GTF2F2: variants seen among roughly 807,000 people sequenced by gnomAD.
The protein encoded by GTF2F2 is general transcription factor IIF subunit 2.
Under a neutral mutation model 42.2 loss-of-function variants are expected in GTF2F2, and 23 were observed. That is an observed-to-expected ratio of 0.55 (90% CI 0.39 to 0.77). The LOEUF is 0.77. Ranked by LOEUF, GTF2F2 falls within the 30% of genes least tolerant of loss-of-function variation. The pLI, the probability that GTF2F2 is intolerant of heterozygous loss-of-function variation, is 0.00. For synonymous variants in GTF2F2, 105 were observed against 100.8 expected, an observed-to-expected ratio of 1.04 and a Z score of -0.25; for missense variants, 261 against 287.2, an observed-to-expected ratio of 0.91 and a Z score of 0.66.
intron 4 of GTF2F2, 100 bp from the exon 5 acceptor site, chr13:45,207,324 T>G (rs1229016587): frequency 8.9e-6 from 6 of 675,564 alleles, no homozygotes; most frequent in Non-Finnish European, 1.5e-5. Context: ...TTTTTGATAT[T>G]AATTATATTT....
chr13:45,260,696 A>G (rs899866295), intron 6 of GTF2F2, among the ~76,000 whole-genome samples: 2 of 152,210 alleles, frequency 1.3e-5, no homozygotes, highest in African/African-American at 2.4e-5. Context: ...TACCAAATCC[A>G]CAAAGGATTG....
intron 4 of GTF2F2, among the ~76,000 whole-genome samples, chr13:45,184,952 T>C (rs1872346064): frequency 6.6e-6 from 1 of 152,236 alleles, no homozygotes; most frequent in East Asian, 1.9e-4. Context: ...GCTGGAACTA[T>C]AGGTGTGGGC....
intron 4 of GTF2F2, among the ~76,000 whole-genome samples, chr13:45,204,801 G>A (rs767108501): frequency 8.5e-5 from 13 of 152,226 alleles, no homozygotes; most frequent in Non-Finnish European, 1.6e-4. Context: ...ATTCGTTGCT[G>A]ATGAAGACTT....
intron 4 of GTF2F2, among the ~76,000 whole-genome samples, chr13:45,191,224 A>AAATATATAT: frequency 4.0e-5 from 3 of 75,314 alleles, no homozygotes; most frequent in African/African-American, 2.0e-4. Flanking sequence ...ACAAAAAAAA[A>AAATATATAT]ATATATATAT....
intron 6 of GTF2F2, among the ~76,000 whole-genome samples, chr13:45,262,837 T>G (rs191802361): frequency 6.6e-6 from 1 of 152,286 alleles, no homozygotes; most frequent in African/African-American, 2.4e-5. Flanking sequence ...CTCAACTTCT[T>G]GGGCTCAAGT....
At chr13:45,196,917 C>G (rs1347889041) in intron 4 of GTF2F2, among the ~76,000 whole-genome samples, 1 of 152,102 alleles carries the variant, frequency 6.6e-6, no homozygotes, top group African/African-American at 2.4e-5. Flanking sequence ...CTAGCTCACT[C>G]ACTTTTGGTT....
intron 7 of GTF2F2, among the ~76,000 whole-genome samples, chr13:45,275,137 T>C (rs1876978067): frequency 6.6e-6 from 1 of 152,188 alleles, no homozygotes; most frequent in African/African-American, 2.4e-5. Context: ...TATGGATATG[T>C]GATTTCTTAC....
At chr13:45,149,555 T>A (rs1488169228) in intron 2 of GTF2F2, among the ~76,000 whole-genome samples, 1 of 152,114 alleles carries the variant, frequency 6.6e-6, no homozygotes, top group East Asian at 1.9e-4. Flanking sequence ...CATAAACTCA[T>A]AATATCCAAA....
At chr13:45,126,998 G>A (rs906639329) in intron 1 of GTF2F2, among the ~76,000 whole-genome samples, 1 of 152,176 alleles carries the variant, frequency 6.6e-6, no homozygotes, top group African/African-American at 2.4e-5. Flanking sequence ...TACATCGTAA[G>A]TGATATGTTG....
At chr13:45,265,159 T>C (rs1876511642) in intron 6 of GTF2F2, among the ~76,000 whole-genome samples, 1 of 151,598 alleles carries the variant, frequency 6.6e-6, no homozygotes, top group South Asian at 2.1e-4. Flanking sequence ...CTCGGGAGGC[T>C]GAGGCAGGAA....
chr13:45,241,661 C>G (rs1424480235), intron 5 of GTF2F2, among the ~76,000 whole-genome samples: 1 of 152,192 alleles, frequency 6.6e-6, no homozygotes, highest in Non-Finnish European at 1.5e-5. Flanking sequence ...GAGTGAAAAG[C>G]AAGCCTTAAT....
chr13:45,251,880 A>G (rs1875892908), intron 5 of GTF2F2, among the ~76,000 whole-genome samples: 2 of 152,204 alleles, frequency 1.3e-5, no homozygotes, highest in Admixed American at 1.3e-4. Context: ...TGAGTTTAAA[A>G]GGTACAGTGA....
chr13:45,141,751 C>T (rs997743334), intron 2 of GTF2F2, among the ~76,000 whole-genome samples: 1 of 152,068 alleles, frequency 6.6e-6, no homozygotes, highest in Non-Finnish European at 1.5e-5. Context: ...TCCCCATTCA[C>T]ATGCTTTAGA....
At chr13:45,146,904 G>A (rs1407363532) in intron 2 of GTF2F2, among the ~76,000 whole-genome samples, 1 of 152,198 alleles carries the variant, frequency 6.6e-6, no homozygotes, top group Non-Finnish European at 1.5e-5. Context: ...TAGTTGTAAT[G>A]TAGAATAACA....
At chr13:45,148,655 A>G (rs1159162049) in intron 2 of GTF2F2, among the ~76,000 whole-genome samples, 1 of 152,014 alleles carries the variant, frequency 6.6e-6, no homozygotes, top group Non-Finnish European at 1.5e-5. Flanking sequence ...AATTTATCTT[A>G]TTTTATAGTT....
rs1238787199 is a variant in GTF2F2, at chr13:45,136,804, C to T, written c.138C>T (p.Ala46=). The T allele has an allele frequency of 6.5e-7, 1 of 1,538,760 alleles. No individual in the cohort carries two copies. Among genetic ancestry groups the T allele is most frequent in the South Asian group, 1.1e-5 (1 of 88,798 alleles). Residue 46 remains alanine (A), a splice_region_variant and synonymous_variant, in exon 2 of 8, where the codon GCC becomes GCT. Transcript: ENST00000340473. ...GRGEVGKLRI[A]KTQGRTEVSF... ...GTGAAGTTGGGAAACTGCGGATTGC[C>T]AAGTAAGTTATTTACATATTCTTGA... is the stretch of plus-strand genomic sequence containing the variant.
chr13:45,147,848 G>A (rs1466512866), intron 2 of GTF2F2, among the ~76,000 whole-genome samples: 4 of 152,116 alleles, frequency 2.6e-5, no homozygotes, highest in African/African-American at 9.7e-5. Context: ...AATCCCCCAT[G>A]TTTTCGACTT....
At chr13:45,139,867 G>A (rs75028024) in intron 2 of GTF2F2, among the ~76,000 whole-genome samples, 5,327 of 152,180 alleles carry the variant, frequency 0.035, 273 homozygotes, top group African/African-American at 0.12. Context: ...CAGGAGATTG[G>A]TGTCTGGCAT....
At chr13:45,229,459 C>T (rs1458799151) in intron 5 of GTF2F2, among the ~76,000 whole-genome samples, 1 of 152,114 alleles carries the variant, frequency 6.6e-6, no homozygotes, top group Non-Finnish European at 1.5e-5. Flanking sequence ...TGTGATTATA[C>T]TTATCTCTTT....
Sources: gnomAD v4.1 joint callset for allele counts (sites outside exome capture counted in the v4.1 genomes callset) on GRCh38, gnomAD v4.1.1 for gene constraint, MANE v1.5 for transcripts, NCBI Gene and HGNC (gene_info 2026-07-23, HGNC 2026-07-21) for gene names.